The following PIBF1 variants were observed in gnomAD, a reference collection of about 807,000 sequenced individuals.
PIBF1 encodes the protein progesterone immunomodulatory binding factor 1, also known as progesterone-induced-blocking factor 1.
PIBF1 carries 90 observed loss-of-function variants against 112.5 expected under a neutral mutation model. The ratio of observed to expected loss-of-function variants is 0.80; its 90% CI spans 0.67 to 0.95. The LOEUF is 0.95. PIBF1 is among the 40% of genes least tolerant of loss of function. PIBF1 has a pLI of 0.00. For synonymous variants in PIBF1, 301 were observed against 288.6 expected (o/e 1.04, Z -0.44); for missense variants, 915 against 852.3 (o/e 1.07, Z -0.92).
chr13:72,782,137 T>A lies in PIBF1; in HGVS notation c.-260T>A, dbSNP rs1388320038. Reference sequence around the variant, plus strand: ...CCGCTCCTCGGAACATCCGGGAGAGTTGACTTCCGGCGGCTTGTGGGAGTG... The same window carrying A: ...CCGCTCCTCGGAACATCCGGGAGAGATGACTTCCGGCGGCTTGTGGGAGTG... On this transcript the variant is annotated 5_prime_UTR_variant, in exon 1 of 18. The change creates a new upstream start codon in the 5' untranslated region. Transcript: ENST00000326291. 1.9e-5 allele frequency: 6 copies of A among 322,242 alleles called. No homozygotes were observed. The highest frequency in any genetic ancestry group is 1.1e-4 in the African/African-American group (5 of 46,990). 20.0% of individuals were successfully genotyped at this position (322,242 alleles called of 1,614,324 possible).
At chr13:72,891,548 G>T (rs2040057816) in intron 10 of PIBF1, among the ~76,000 whole-genome samples, 1 of 151,884 alleles carries the variant, frequency 6.6e-6, no homozygotes, top group Non-Finnish European at 1.5e-5. Context: ...TAATCAAAAG[G>T]CAGACAATGA....
intron 10 of PIBF1, among the ~76,000 whole-genome samples, chr13:72,874,411 A>T (rs1476379430): frequency 6.6e-6 from 1 of 152,248 alleles, no homozygotes; most frequent in Non-Finnish European, 1.5e-5. Context: ...ATAAAAAAGG[A>T]GGAAACTACT....
intron 9 of PIBF1, among the ~76,000 whole-genome samples, chr13:72,839,164 G>A (rs1456081794): frequency 6.6e-6 from 1 of 152,120 alleles, no homozygotes; most frequent in East Asian, 1.9e-4. Context: ...ACTTTTAGAG[G>A]TTATTTCCAT....
intron 16 of PIBF1, among the ~76,000 whole-genome samples, chr13:72,983,078 A>G (rs2043192313): frequency 6.6e-6 from 1 of 152,162 alleles, no homozygotes; most frequent in Non-Finnish European, 1.5e-5. Flanking sequence ...CTCTGATCCC[A>G]TCACTTTGGG....
At chr13:72,891,489 T>C (rs2040053846) in intron 10 of PIBF1, among the ~76,000 whole-genome samples, 1 of 110,264 alleles carries the variant, frequency 9.1e-6, no homozygotes, top group Admixed American at 1.1e-4. Flanking sequence ...TTAATACTTT[T>C]TTTTAGTAAA....
chr13:72,893,980 G>A (rs777769765), intron 11 of PIBF1, 31 bp downstream of exon 11: 4 of 1,319,922 alleles, frequency 3.0e-6, no homozygotes, highest in East Asian at 3.7e-5. Flanking sequence ...TTCAACATTA[G>A]CATGGCATGT....
At chr13:72,932,722 A>G (rs2041749145) in intron 14 of PIBF1, among the ~76,000 whole-genome samples, 1 of 152,228 alleles carries the variant, frequency 6.6e-6, no homozygotes, top group Admixed American at 6.5e-5. Flanking sequence ...CACAGATAAT[A>G]GTAAAATAAT....
intron 14 of PIBF1, among the ~76,000 whole-genome samples, chr13:72,943,241 G>A (rs2042059419): frequency 6.6e-6 from 1 of 152,092 alleles, no homozygotes; most frequent in Non-Finnish European, 1.5e-5. Flanking sequence ...GTGGTTAATG[G>A]ATGCAAACAT....
intron 9 of PIBF1, among the ~76,000 whole-genome samples, chr13:72,845,322 C>T (rs992758943): frequency 1.3e-5 from 2 of 152,154 alleles, no homozygotes; most frequent in African/African-American, 4.8e-5. Flanking sequence ...TGATCTCATT[C>T]CTTTTTATGG....
chr13:72,852,371 G>C (rs927943719), intron 9 of PIBF1, among the ~76,000 whole-genome samples: 1 of 152,326 alleles, frequency 6.6e-6, no homozygotes, highest in Admixed American at 6.5e-5. Flanking sequence ...GCCTGGAGCC[G>C]CCTACCCCAC....
At chr13:72,833,597 T>C (rs2037219214) in intron 8 of PIBF1, among the ~76,000 whole-genome samples, 1 of 152,246 alleles carries the variant, frequency 6.6e-6, no homozygotes, top group Non-Finnish European at 1.5e-5. Flanking sequence ...CAGCAAAGAT[T>C]GCTGCCTGAT....
intron 14 of PIBF1, 89 bp downstream of exon 14, chr13:72,931,356 T>G (rs555857750): frequency 1.1e-6 from 1 of 877,456 alleles, no homozygotes; most frequent in East Asian, 2.5e-5. Context: ...AGTTTTAAAA[T>G]AAGCTGTTTG....
At chr13:72,924,881 G>A (rs2041428068) in intron 13 of PIBF1, among the ~76,000 whole-genome samples, 1 of 152,184 alleles carries the variant, frequency 6.6e-6, no homozygotes, top group South Asian at 2.1e-4. Flanking sequence ...CATATGTTGG[G>A]TTAGGCTATG....
chr13:72,988,828 G>A (rs1294992167), intron 16 of PIBF1, among the ~76,000 whole-genome samples: 2 of 152,120 alleles, frequency 1.3e-5, no homozygotes, highest in Non-Finnish European at 2.9e-5. Flanking sequence ...CTTGAGGTCA[G>A]GAGTTCAAGA....
At chr13:72,994,007 G>A (rs1327509330) in intron 16 of PIBF1, among the ~76,000 whole-genome samples, 1 of 151,982 alleles carries the variant, frequency 6.6e-6, no homozygotes, top group Non-Finnish European at 1.5e-5. Flanking sequence ...AGCGGCTCAG[G>A]AGGCTAAAGC....
At chr13:72,783,868 C>A in intron 2 of PIBF1, 147 bp downstream of exon 2, 3 of 852,150 alleles carry the variant, frequency 3.5e-6, no homozygotes, top group Non-Finnish European at 5.4e-6. Context: ...TTTTGGTGTT[C>A]ATAGAAGTAG....
At chr13:72,866,175 A>C (rs1318081474) in intron 10 of PIBF1, among the ~76,000 whole-genome samples, 1 of 152,150 alleles carries the variant, frequency 6.6e-6, no homozygotes, top group Non-Finnish European at 1.5e-5. Context: ...ATCTGATTGC[A>C]TGTACGGCAC....
At chr13:72,954,394 C>T (rs921824574) in intron 14 of PIBF1, among the ~76,000 whole-genome samples, 6 of 152,194 alleles carry the variant, frequency 3.9e-5, no homozygotes, top group African/African-American at 1.2e-4. Flanking sequence ...TGGTTCTGGC[C>T]GACAGGGTTA....
intron 5 of PIBF1, among the ~76,000 whole-genome samples, chr13:72,798,235 A>G (rs1342825038): frequency 2.0e-5 from 3 of 152,224 alleles, no homozygotes; most frequent in African/African-American, 7.2e-5. Context: ...GACGTATCCT[A>G]TAGTTGAGCT....
Sources: allele counts gnomAD v4.1 joint callset (sites outside exome capture counted in the v4.1 genomes callset), GRCh38; gene constraint gnomAD v4.1.1; transcripts MANE v1.5; gene names NCBI Gene and HGNC (gene_info 2026-07-23, HGNC 2026-07-21).